The following CMPK2 variants were observed in gnomAD, a reference collection of about 807,000 sequenced individuals.
The protein encoded by CMPK2 is cytidine/uridine monophosphate kinase 2.
CMPK2 carries 32 observed loss-of-function variants against 33.4 expected under a neutral mutation model. That is an observed-to-expected ratio of 0.96 (90% CI 0.72 to 1.29). The LOEUF is 1.29. Ranked by LOEUF, CMPK2 falls within the 50% of genes most tolerant of loss-of-function variation. The pLI is 0.00. For synonymous variants in CMPK2, 299 were observed against 275.3 expected (o/e 1.09, Z -0.85); for missense variants, 672 against 616.0 (o/e 1.09, Z -0.96).
chr2:6,848,975 TTA>T lies in CMPK2; in HGVS notation c.*873_*874del. On this transcript the variant is annotated 3_prime_UTR_variant, in exon 5 of 5. Coordinates refer to ENST00000256722, the MANE Select transcript of CMPK2 (RefSeq NM_207315.4). ...TGCATTTAGCGTTTTGACTCCACTT[TTA>T]ATTAATGAATCATAGCTCCTATGCT... 1 of 985,754 alleles carries T rather than the reference TTA, an allele frequency of 1.0e-6. No individual in the cohort carries two copies. The highest frequency in any genetic ancestry group is 1.2e-6 in the Non-Finnish European group (1 of 829,814). 61.1% of individuals were successfully genotyped at this position (985,754 alleles called of 1,614,324 possible). A position where few individuals can be genotyped will look rare whatever the true frequency, so the allele number is the denominator to read the frequency against.
intron 3 of CMPK2, 127 bp downstream of exon 3, chr2:6,861,057 A>T: frequency 1.3e-6 from 1 of 746,520 alleles, no homozygotes; most frequent in Non-Finnish European, 2.2e-6. Flanking sequence ...AGTTTGACTT[A>T]AACACAATTT....
chr2:6,857,396 C>T (rs1347863466), intron 3 of CMPK2, among the ~76,000 whole-genome samples: 1 of 149,942 alleles, frequency 6.7e-6, no homozygotes. Context: ...GTCATTGCAG[C>T]CTCGACCTCC....
intron 3 of CMPK2, 103 bp from the exon 4 acceptor site, chr2:6,851,786 A>T (rs1464048700): frequency 2.1e-6 from 2 of 955,578 alleles, no homozygotes; most frequent in Non-Finnish European, 3.1e-6. Context: ...GGCTCTACAG[A>T]AGTTTTTCTA....
chr2:6,862,867 A>G (rs1217920366), intron 2 of CMPK2, among the ~76,000 whole-genome samples: 2 of 152,222 alleles, frequency 1.3e-5, no homozygotes, highest in Non-Finnish European at 2.9e-5. Context: ...GTTCTCCAAC[A>G]TCAACCCTCT....
Position 6,849,644 on chromosome 2 carries a change from A to T in CMPK2, c.*206T>A. The T allele has an allele frequency of 7.2e-7, 1 of 1,393,728 alleles. No individual in the cohort carries two copies. The highest frequency in any genetic ancestry group is 2.8e-5 in the East Asian group (1 of 35,908). The allele number at this position is 1,393,728 out of a possible 1,614,324, so 86.3% of individuals were successfully genotyped here. ...GCAATCGCTGGCCTCTCACTGGAACATGATGAGAGGGACCTTTGTGATGAC... is the reference window on the plus strand; with the variant it reads ...GCAATCGCTGGCCTCTCACTGGAACTTGATGAGAGGGACCTTTGTGATGAC... On this transcript the variant is annotated 3_prime_UTR_variant, in exon 5 of 5. Transcript: ENST00000256722.
chr2:6,865,072 T>C lies in CMPK2; in HGVS notation c.625A>G (p.Ser209Gly), dbSNP rs555496512. ...TCCCGGTCCGGGAAGACCACGGAAC[T>C]GGGCAAGTCTGGCACCACCGGGTGC... Reference protein sequence around the residue: ...PLHPVVPDLPSSVVFPDREAA... With the variant: ...PLHPVVPDLPGSVVFPDREAA... The change falls in exon 1 of 5, where the codon AGT (serine) becomes GGT (glycine). Residue 209 changes from serine to glycine, a missense_variant. Transcript: ENST00000256722. 4.9e-4 allele frequency: 714 copies of C among 1,468,460 alleles called. 4 individuals carry two copies. In the South Asian group the frequency reaches 5.8e-3, roughly 12 times the overall value. 91.0% of individuals were successfully genotyped at this position (1,468,460 alleles called of 1,614,324 possible).
chr2:6,847,946 A>G (rs1318964899), downstream of CMPK2, among the ~76,000 whole-genome samples: 3 of 152,198 alleles, frequency 2.0e-5, no homozygotes, highest in African/African-American at 7.2e-5. Context: ...TCACAGGAAC[A>G]AAACCAAAGC....
chr2:6,864,954 T>C (rs1663011183), intron 1 of CMPK2, 68 bp downstream of exon 1: 3 of 1,349,144 alleles, frequency 2.2e-6, no homozygotes, highest in Non-Finnish European at 2.9e-6. Context: ...ACCAGCCTCT[T>C]GGTCCAGTTC....
chr2:6,862,956 T>C (rs541354065), intron 2 of CMPK2, among the ~76,000 whole-genome samples: 7 of 152,340 alleles, frequency 4.6e-5, no homozygotes, highest in Non-Finnish European at 7.3e-5. Context: ...ACATTATATT[T>C]TGACCTCAGT....
chr2:6,843,015 C>T lies in CMPK2; in HGVS notation c.993-2337G>A, dbSNP rs532385966. On this transcript the variant is annotated intron_variant, in intron 3 of 3. Coordinates refer to the CMPK2 transcript ENST00000458098. ...TTTTGAGAAAGTCCCTCAGTTGGGA[C>T]ACAGAGGGGAATATCATCTACTTAT... is the stretch of plus-strand genomic sequence containing the variant. Among the ~76,000 whole-genome samples the T allele has an allele frequency of 5.9e-5, 9 of 151,624 alleles. No homozygotes were observed. The East Asian group carries it at 1.7e-3, about 29-fold the overall frequency.
At chr2:6,854,787 A>G (rs1457760359) in intron 3 of CMPK2, among the ~76,000 whole-genome samples, 1 of 152,140 alleles carries the variant, frequency 6.6e-6, no homozygotes, top group Non-Finnish European at 1.5e-5. Flanking sequence ...TTTTCAGGGT[A>G]CTTCCACACA....
At chr2:6,853,797 G>A (rs571504417) in intron 3 of CMPK2, among the ~76,000 whole-genome samples, 17 of 152,252 alleles carry the variant, frequency 1.1e-4, no homozygotes, top group African/African-American at 3.9e-4. Flanking sequence ...AGCTACTCGG[G>A]AGGCTGAGGC....
At chr2:6,866,138 G>A (rs1271305928), upstream of CMPK2, 4 of 214,946 alleles carry the variant, frequency 1.9e-5, no homozygotes, top group Non-Finnish European at 3.8e-5. Context: ...GGAGGGGGGC[G>A]GGGGTGCACG....
intron 3 of CMPK2, among the ~76,000 whole-genome samples, chr2:6,857,487 T>A (rs1016792821): frequency 7.9e-5 from 12 of 151,880 alleles, no homozygotes; most frequent in African/African-American, 2.7e-4. Flanking sequence ...GCTATTTTTT[T>A]AAATATTTTT....
At chr2:6,860,101 A>T (rs1471012497) in intron 3 of CMPK2, among the ~76,000 whole-genome samples, 1 of 152,242 alleles carries the variant, frequency 6.6e-6, no homozygotes, top group Non-Finnish European at 1.5e-5. Context: ...TGGAGCCTGT[A>T]GCCCCTTTGT....
chr2:6,841,025 T>A (rs2103211482), intron 3 of CMPK2, among the ~76,000 whole-genome samples: 1 of 152,132 alleles, frequency 6.6e-6, no homozygotes, highest in East Asian at 1.9e-4. Flanking sequence ...CTTAATGATA[T>A]CATTTGTTTT....
chr2:6,861,172 C>T lies in CMPK2; in HGVS notation c.992+12G>A. 6.2e-7 allele frequency: 1 copy of T among 1,609,260 alleles called. No individual in the cohort carries two copies. The highest frequency in any genetic ancestry group is 8.5e-7 in the Non-Finnish European group (1 of 1,175,812). ...GGAGAAAATGCCTAATTCAAGGCAT[C>T]TTTATACCTACCTGTCTACAATCAC... On this transcript the variant is annotated intron_variant, in intron 3 of 4. Transcript: ENST00000256722.
At chr2:6,853,001 G>A (rs1203220750) in intron 3 of CMPK2, among the ~76,000 whole-genome samples, 2 of 152,150 alleles carry the variant, frequency 1.3e-5, no homozygotes, top group Non-Finnish European at 2.9e-5. Context: ...CCAGGCTGGA[G>A]TGCAGTGGCA....
downstream of CMPK2, chr2:6,848,284 A>C (rs932984184): frequency 1.1e-6 from 1 of 915,000 alleles, no homozygotes; most frequent in Non-Finnish European, 1.3e-6. Context: ...AGCACTTTTC[A>C]GACAAATCAA....
Sources: allele counts gnomAD v4.1 joint callset (sites outside exome capture counted in the v4.1 genomes callset), GRCh38; gene constraint gnomAD v4.1.1; transcripts MANE v1.5; gene names NCBI Gene and HGNC (gene_info 2026-07-23, HGNC 2026-07-21).